Variants in CATSPERD observed in about 807,000 individuals in gnomAD.
CATSPERD encodes catsper channel auxiliary subunit delta.
Under a neutral mutation model 98.1 loss-of-function variants are expected in CATSPERD, and 86 were observed. That is an observed-to-expected ratio of 0.88 (90% CI 0.74 to 1.05). CATSPERD has a LOEUF of 1.05. CATSPERD is among the 50% of genes least tolerant of loss of function. The probability of loss-of-function intolerance (pLI) is 0.00; values close to 1 mark genes in which losing one functional copy is unlikely to be tolerated. For synonymous variants in CATSPERD, 394 were observed against 390.2 expected (o/e 1.01, Z -0.12); for missense variants, 995 against 1,005.7 (o/e 0.99, Z 0.14).
Position 5,744,423 on chromosome 19 carries a change from A to G in CATSPERD, c.574-4A>G. On this transcript the variant is annotated splice_region_variant and splice_polypyrimidine_tract_variant and intron_variant, in intron 7 of 21. Coordinates refer to ENST00000381624, the MANE Select transcript of CATSPERD (RefSeq NM_152784.4). Reference sequence around the variant, plus strand: ...ATCTGAAGTCTTTTCTGTTTGTTTCATAGGCAGAAATCATTGGGTCTTTAG... The same window carrying G: ...ATCTGAAGTCTTTTCTGTTTGTTTCGTAGGCAGAAATCATTGGGTCTTTAG... 1 of 1,609,782 alleles carries G rather than the reference A, an allele frequency of 6.2e-7. No homozygotes were observed. The highest frequency in any genetic ancestry group is 1.1e-5 in the South Asian group (1 of 90,918).
chr19:5,741,239 T>TC (rs1257419796), intron 7 of CATSPERD, among the ~76,000 whole-genome samples: 1 of 152,088 alleles, frequency 6.6e-6, no homozygotes, highest in Non-Finnish European at 1.5e-5. Flanking sequence ...TGAACCAATG[T>TC]CCCCCCAAAA....
intron 7 of CATSPERD, among the ~76,000 whole-genome samples, chr19:5,740,762 CAAAAAAA>C (rs59937872): frequency 8.2e-5 from 3 of 36,472 alleles, no homozygotes; most frequent in East Asian, 1.7e-3. Context: ...AACTCCGTCT[CAAAAAAA>C]AAAAAAAAAA....
chr19:5,764,355 G>A (rs1025411602), intron 16 of CATSPERD, among the ~76,000 whole-genome samples: 8 of 151,200 alleles, frequency 5.3e-5, no homozygotes, highest in South Asian at 2.1e-4. Context: ...TCACTCTGTC[G>A]CCCAGGTTGG....
At chr19:5,734,788 T>G (rs1599522728) in intron 5 of CATSPERD, among the ~76,000 whole-genome samples, 3 of 146,604 alleles carry the variant, frequency 2.0e-5, no homozygotes, top group South Asian at 2.2e-4. Flanking sequence ...GATGACAGAG[T>G]GAGACTCTGT....
chr19:5,769,382 T>G (rs1469473748), intron 18 of CATSPERD, among the ~76,000 whole-genome samples: 1 of 150,572 alleles, frequency 6.6e-6, no homozygotes, highest in Non-Finnish European at 1.5e-5. Context: ...AAGCTGAGAA[T>G]GAAAACCCAC....
At chr19:5,747,660 T>A (rs1319043732) in intron 9 of CATSPERD, among the ~76,000 whole-genome samples, 2 of 142,446 alleles carry the variant, frequency 1.4e-5, no homozygotes, top group African/African-American at 5.2e-5. Flanking sequence ...TCGCCCAGGC[T>A]GGAGTACAGT....
At chr19:5,747,191 G>A (rs1436207492) in intron 9 of CATSPERD, among the ~76,000 whole-genome samples, 1 of 61,442 alleles carries the variant, frequency 1.6e-5, no homozygotes, top group Non-Finnish European at 3.2e-5. Context: ...TTTTTTTTTT[G>A]GGACACAGTT....
rs376750556 is a variant in CATSPERD at position 5,771,071 on chromosome 19, C to G, written c.1762C>G (p.Leu588Val). 2 of 1,612,882 alleles carry G rather than the reference C, an allele frequency of 1.2e-6. No homozygotes were observed. The highest frequency in any genetic ancestry group is 3.3e-5 in the Admixed American group (2 of 59,764). The change falls in exon 19 of 22, where the codon CTG (leucine) becomes GTG (valine). Residue 588 changes from leucine (L) to valine (V), a missense_variant and splice_region_variant. Coordinates refer to ENST00000381624, the MANE Select transcript of CATSPERD (RefSeq NM_152784.4). ...YDTLWKPVVELWRKDSFQEVI... is the reference protein window; with the variant it reads ...YDTLWKPVVEVWRKDSFQEVI... ...CACCCTATGGAAGCCCGTGGTGGAG[C>G]TGTAAGACCCCAGGGGGGTGCTGCA...
chr19:5,748,139 ACC>A lies in CATSPERD; in HGVS notation c.809-20_809-19del. 1.9e-6 allele frequency: 3 copies of A among 1,603,584 alleles called. No homozygotes were observed. The South Asian group carries it at 3.3e-5, about 18-fold the overall frequency. ...CCAGGATGTACACGGGGCCTCATGC[ACC>A]TGTCCTGTTACCTCCTAGGTCAGCT... On this transcript the variant is annotated intron_variant, in intron 9 of 21. Coordinates refer to ENST00000381624, the MANE Select transcript of CATSPERD (RefSeq NM_152784.4).
Position 5,763,354 on chromosome 19 carries a change from C to A in CATSPERD, c.1506+61C>A, listed in dbSNP as rs368159935. On this transcript the variant is annotated intron_variant, in intron 16 of 21. Transcript: ENST00000381624. ...TCATAAGTGTTAAGACTCATGGAAGCTGGCCCTGAGGTTGCAATGAGCTGA... is the reference window on the plus strand; with the variant it reads ...TCATAAGTGTTAAGACTCATGGAAGATGGCCCTGAGGTTGCAATGAGCTGA... 3.3e-5 allele frequency: 47 copies of A among 1,407,458 alleles called. No homozygotes were observed. The African/African-American group carries it at 6.1e-4, about 18-fold the overall frequency. The allele number at this position is 1,407,458 out of a possible 1,614,324, so 87.2% of individuals were successfully genotyped here.
intron 4 of CATSPERD, among the ~76,000 whole-genome samples, chr19:5,733,230 G>A (rs1443024143): frequency 6.6e-6 from 1 of 151,832 alleles, no homozygotes; most frequent in Non-Finnish European, 1.5e-5. Flanking sequence ...CTCACCTCAG[G>A]TGATTCACCT....
intron 9 of CATSPERD, 88 bp downstream of exon 9, chr19:5,746,151 G>A: frequency 1.4e-6 from 2 of 1,400,178 alleles, no homozygotes; most frequent in South Asian, 1.2e-5. Flanking sequence ...AGGGGAAGGA[G>A]CAACCCCTCG....
chr19:5,731,599 C>T (rs1285102067), intron 4 of CATSPERD, among the ~76,000 whole-genome samples: 5 of 85,716 alleles, frequency 5.8e-5, no homozygotes, highest in African/African-American at 1.8e-4. Flanking sequence ...GACGGAGTCT[C>T]GCTCTGTCAC....
At chr19:5,732,334 G>T (rs1167383626) in intron 4 of CATSPERD, among the ~76,000 whole-genome samples, 2 of 152,038 alleles carry the variant, frequency 1.3e-5, no homozygotes, top group Non-Finnish European at 2.9e-5. Flanking sequence ...GGGCACCCAA[G>T]ACCAGCTTCA....
intron 14 of CATSPERD, among the ~76,000 whole-genome samples, 171 bp from the exon 15 acceptor site, chr19:5,758,915 C>A (rs905371425): frequency 7.3e-6 from 1 of 136,906 alleles, no homozygotes; most frequent in South Asian, 2.5e-4. Flanking sequence ...CAGAGAGAGA[C>A]TCCATCTCAA....
chr19:5,757,740 C>T, intron 13 of CATSPERD, 103 bp from the exon 14 acceptor site: 3 of 796,912 alleles, frequency 3.8e-6, no homozygotes, highest in Non-Finnish European at 6.0e-6. Flanking sequence ...TACACCCAGC[C>T]CTGATTTTTC....
chr19:5,771,114 G>A (rs73920057), intron 19 of CATSPERD, 42 bp downstream of exon 19: 43,734 of 1,594,894 alleles, frequency 0.027, 662 homozygotes, highest in Non-Finnish European at 0.03. Context: ...GACGGTGGCA[G>A]GGCCTCATGC....
chr19:5,729,980 T>C (rs2055683027), intron 4 of CATSPERD, 36 bp downstream of exon 4: 1 of 1,163,988 alleles, frequency 8.6e-7, no homozygotes, highest in Admixed American at 2.0e-5. Context: ...AGGATGCTAG[T>C]ATAAGTAATA....
Position 5,772,812 on chromosome 19 carries a change from G to A in CATSPERD, c.1788G>A (p.Glu596=). The A allele has an allele frequency of 6.2e-7, 1 of 1,613,902 alleles. No individual in the cohort carries two copies. Among genetic ancestry groups the A allele is most frequent in the Non-Finnish European group, 8.5e-7 (1 of 1,179,880 alleles). The change falls in exon 20 of 22, where the codon GAG becomes GAA. Residue 596 remains glutamate, a synonymous_variant. Coordinates refer to ENST00000381624, the MANE Select transcript of CATSPERD (RefSeq NM_152784.4). ...VELWRKDSFQ[E]VIDAEYVLLE... The stretch of plus-strand genomic sequence containing the variant: ...GGTGGCGAAAAGACAGTTTCCAGGA[G>A]GTCATCGACGCCGAGTATGTGTTAC...
Sources: allele counts gnomAD v4.1 joint callset (sites outside exome capture counted in the v4.1 genomes callset), GRCh38; gene constraint gnomAD v4.1.1; transcripts MANE v1.5; gene names NCBI Gene and HGNC (gene_info 2026-07-23, HGNC 2026-07-21).